The following SGCZ variants were observed in gnomAD, a reference collection of about 807,000 sequenced individuals.
SGCZ encodes zeta-sarcoglycan.
Under a neutral mutation model 41.3 loss-of-function variants are expected in SGCZ, and 40 were observed. That is an observed-to-expected ratio of 0.97 (90% CI 0.75 to 1.26). SGCZ has a LOEUF of 1.26. SGCZ is among the 50% of genes most tolerant of loss of function. The pLI, the probability that SGCZ is intolerant of heterozygous loss-of-function variation, is 0.00. For missense variants in SGCZ, 552 were observed against 369.8 expected (o/e 1.49, Z -4.04); for synonymous variants, 206 against 137.5 (o/e 1.50, Z -3.49).
chr8:14,916,593 A>C (rs1478952000), intron 1 of SGCZ, among the ~76,000 whole-genome samples: 3 of 152,208 alleles, frequency 2.0e-5, no homozygotes, highest in Non-Finnish European at 2.9e-5. Flanking sequence ...ATAAGTTAAC[A>C]AACTTGCCTT....
At chr8:14,376,013 A>G (rs761567790) in intron 2 of SGCZ, among the ~76,000 whole-genome samples, 19 of 152,170 alleles carry the variant, frequency 1.2e-4, no homozygotes, top group Non-Finnish European at 2.6e-4. Context: ...ATGATACAAA[A>G]CGTAAAACTA....
At chr8:15,038,836 A>G (rs11783834) in intron 1 of SGCZ, among the ~76,000 whole-genome samples, 16,444 of 143,960 alleles carry the variant, frequency 0.11, 1,126 homozygotes, top group African/African-American at 0.18. Flanking sequence ...AAAAAAAAAA[A>G]AAAGAAAGAA....
intron 2 of SGCZ, among the ~76,000 whole-genome samples, chr8:14,444,846 C>T (rs1195802119): frequency 1.3e-5 from 2 of 151,946 alleles, no homozygotes; most frequent in African/African-American, 2.4e-5. Context: ...ATGAAGCCAG[C>T]TCTTAGATCA....
intron 1 of SGCZ, among the ~76,000 whole-genome samples, chr8:15,160,113 G>T (rs1186978649): frequency 2.0e-5 from 3 of 152,016 alleles, no homozygotes; most frequent in Admixed American, 6.6e-5. Context: ...TGTATAACCA[G>T]TCTCCAAAAC....
At chr8:14,328,159 A>G (rs1802190875) in intron 2 of SGCZ, among the ~76,000 whole-genome samples, 1 of 152,188 alleles carries the variant, frequency 6.6e-6, no homozygotes, top group Non-Finnish European at 1.5e-5. Context: ...TCCATATATA[A>G]TCAACCTGAC....
chr8:14,405,278 G>C (rs1799182182), intron 2 of SGCZ, among the ~76,000 whole-genome samples: 1 of 152,168 alleles, frequency 6.6e-6, no homozygotes, highest in Non-Finnish European at 1.5e-5. Flanking sequence ...TAATGGGATA[G>C]TTAAGCTTTA....
rs189962844 is a variant in SGCZ, at chr8:15,110,824, T to A, written c.39+126761A>T. 1.1e-4 allele frequency among the ~76,000 whole-genome samples: 17 copies of A among 152,074 alleles called. No individual in the cohort carries two copies. In the East Asian group the frequency reaches 3.1e-3, roughly 28 times the overall value. ...TCTCTACTAAAAATACAAAATTAGC[T>A]GGGCATAGTGGCATGCACCTGTAAT... is the stretch of plus-strand genomic sequence containing the variant. On this transcript the variant is annotated intron_variant, in intron 1 of 7. Coordinates refer to ENST00000382080, the MANE Select transcript of SGCZ (RefSeq NM_139167.4).
intron 1 of SGCZ, among the ~76,000 whole-genome samples, chr8:15,065,648 A>C (rs1224106104): frequency 1.3e-5 from 2 of 151,850 alleles, no homozygotes; most frequent in African/African-American, 4.8e-5. Flanking sequence ...CATTTTGCCC[A>C]GGCTGGTCTC....
At chr8:14,580,731 T>C (rs2117256815) in intron 1 of SGCZ, among the ~76,000 whole-genome samples, 1 of 152,302 alleles carries the variant, frequency 6.6e-6, no homozygotes, top group South Asian at 2.1e-4. Flanking sequence ...TACAAAGAAA[T>C]GCTTTAACCA....
chr8:14,211,881 A>G (rs2117097391), intron 4 of SGCZ, among the ~76,000 whole-genome samples: 1 of 152,240 alleles, frequency 6.6e-6, no homozygotes, highest in South Asian at 2.1e-4. Context: ...ATGTCCAGAA[A>G]GTACCACAGA....
intron 2 of SGCZ, among the ~76,000 whole-genome samples, chr8:14,385,328 G>T (rs1231581561): frequency 6.6e-6 from 1 of 152,158 alleles, no homozygotes; most frequent in Non-Finnish European, 1.5e-5. Context: ...AGCCCCTTTT[G>T]AGGAATATGC....
intron 2 of SGCZ, among the ~76,000 whole-genome samples, chr8:14,480,716 A>G (rs1193304434): frequency 1.3e-5 from 2 of 152,084 alleles, no homozygotes; most frequent in East Asian, 3.9e-4. Flanking sequence ...ATTTCATTAT[A>G]AAGACTATAT....
chr8:14,212,410 T>G (rs1805839533), intron 4 of SGCZ, among the ~76,000 whole-genome samples: 1 of 148,432 alleles, frequency 6.7e-6, no homozygotes, highest in African/African-American at 2.5e-5. Context: ...AGCAGGAGCT[T>G]TAATAGATGA....
intron 2 of SGCZ, among the ~76,000 whole-genome samples, chr8:14,383,752 G>A (rs1308514477): frequency 6.6e-6 from 1 of 151,972 alleles, no homozygotes; most frequent in Admixed American, 6.6e-5. Context: ...TCTAGTTTTA[G>A]AAACAATTTA....
chr8:14,682,496 G>A (rs12543729), intron 1 of SGCZ, among the ~76,000 whole-genome samples: 30,657 of 149,448 alleles, frequency 0.21, 3,892 homozygotes, highest in East Asian at 0.46. Flanking sequence ...GTGCAGTGGT[G>A]CAATCACGGC....
chr8:14,148,738 A>C (rs1180402905), intron 5 of SGCZ, among the ~76,000 whole-genome samples: 1 of 152,136 alleles, frequency 6.6e-6, no homozygotes, highest in Admixed American at 6.5e-5. Flanking sequence ...CACATCAAAA[A>C]AAGAAAACTA....
At chr8:14,221,234 C>T (rs1259469627) in intron 4 of SGCZ, among the ~76,000 whole-genome samples, 21 of 152,172 alleles carry the variant, frequency 1.4e-4, no homozygotes, top group Admixed American at 1.2e-3. Flanking sequence ...ATTTGGTTCA[C>T]TTCTAGAAAA....
At chr8:14,983,453 C>T (rs958054246) in intron 1 of SGCZ, among the ~76,000 whole-genome samples, 4 of 152,182 alleles carry the variant, frequency 2.6e-5, no homozygotes, top group Middle Eastern at 3.4e-3. Context: ...GATCTTGGCT[C>T]ACTGCAAACT....
At chr8:15,211,865 A>G (rs887333340) in intron 1 of SGCZ, among the ~76,000 whole-genome samples, 2 of 152,116 alleles carry the variant, frequency 1.3e-5, no homozygotes, top group African/African-American at 4.8e-5. Context: ...CTGGAAACTC[A>G]TCTTTTTCTG....
Sources: gnomAD v4.1 joint callset for allele counts (sites outside exome capture counted in the v4.1 genomes callset) on GRCh38, gnomAD v4.1.1 for gene constraint, MANE v1.5 for transcripts, NCBI Gene and HGNC (gene_info 2026-07-23, HGNC 2026-07-21) for gene names.